The following KCNK5 variants were observed in gnomAD, a reference collection of about 807,000 sequenced individuals.
KCNK5 encodes the protein potassium two pore domain channel subfamily K member 5.
A neutral mutation model predicts 32.9 loss-of-function variants in KCNK5; 18 were observed. The ratio of observed to expected loss-of-function variants is 0.55; its 90% CI spans 0.38 to 0.81. The LOEUF (loss-of-function observed/expected upper bound fraction) is 0.81, where lower values mean the gene tolerates loss of function less well. KCNK5 is among the 30% of genes least tolerant of loss of function. The pLI is 0.00. For missense variants in KCNK5, 507 were observed against 651.0 expected, an observed-to-expected ratio of 0.78 and a Z score of 2.41; for synonymous variants, 276 against 275.3, an observed-to-expected ratio of 1.00 and a Z score of -0.03.
intron 1 of KCNK5, among the ~76,000 whole-genome samples, chr6:39,209,708 G>A (rs192481914): frequency 1.3e-5 from 2 of 152,332 alleles, no homozygotes; most frequent in East Asian, 3.9e-4. Context: ...CTCCACAAGG[G>A]CTGGGATTTT....
intron 1 of KCNK5, among the ~76,000 whole-genome samples, chr6:39,228,297 C>A (rs1771708503): frequency 6.6e-6 from 1 of 152,204 alleles, no homozygotes; most frequent in Admixed American, 6.5e-5. Context: ...GATGTCTCCG[C>A]GAGATAAGCC....
chr6:39,215,160 G>T (rs74458925), intron 1 of KCNK5, among the ~76,000 whole-genome samples: 7,657 of 152,236 alleles, frequency 0.05, 612 homozygotes, highest in African/African-American at 0.17. Context: ...TGAGGCTAGA[G>T]TCTGGAAGAT....
At chr6:39,214,972 C>T (rs1056960758) in intron 1 of KCNK5, among the ~76,000 whole-genome samples, 1 of 152,190 alleles carries the variant, frequency 6.6e-6, no homozygotes, top group Non-Finnish European at 1.5e-5. Flanking sequence ...GGGCATACAG[C>T]GGGCACTAAG....
At chr6:39,218,224 C>A (rs111707554) in intron 1 of KCNK5, among the ~76,000 whole-genome samples, 6,878 of 152,118 alleles carry the variant, frequency 0.045, 408 homozygotes, top group African/African-American at 0.14. Context: ...GTGCCCACCA[C>A]CACGTCCAGC....
rs185084494 is a variant in KCNK5 at position 39,192,386 on chromosome 6, A to T, written c.635-631T>A. ...ATGTAACCGACACACAGGTCAAGAA[A>T]CAGTTCATGAGTATTTGCCTTTCTG... On this transcript the variant is annotated intron_variant, in intron 4 of 4. Coordinates refer to ENST00000359534, the MANE Select transcript of KCNK5 (RefSeq NM_003740.4). Among the ~76,000 whole-genome samples, 148 of 152,056 alleles carry T rather than the reference A, an allele frequency of 9.7e-4. 1 individual carries two copies. Among genetic ancestry groups the T allele is most frequent in the Non-Finnish European group, 1.2e-3 (82 of 67,996 alleles).
At chr6:39,217,406 C>A (rs778474049) in intron 1 of KCNK5, among the ~76,000 whole-genome samples, 48 of 152,148 alleles carry the variant, frequency 3.2e-4, no homozygotes, top group Admixed American at 3.1e-3. Context: ...TGTCAGGATC[C>A]TTGACTGCTG....
At chr6:39,224,592 T>C (rs988003163) in intron 1 of KCNK5, among the ~76,000 whole-genome samples, 3 of 152,168 alleles carry the variant, frequency 2.0e-5, no homozygotes, top group African/African-American at 7.2e-5. Context: ...GAGGTACATA[T>C]GGAAAACCTT....
chr6:39,206,089 G>T (rs973415906), intron 1 of KCNK5, among the ~76,000 whole-genome samples: 12 of 152,194 alleles, frequency 7.9e-5, no homozygotes, highest in African/African-American at 2.9e-4. Context: ...AATCTATAGA[G>T]AGGCTAGAAA....
At position 39,194,090 on chromosome 6, in the gene KCNK5, A is replaced by G. The variant is rs1770986223; in HGVS notation, c.634+79T>C. 8 of 1,502,926 alleles carry G rather than the reference A, an allele frequency of 5.3e-6. No individual in the cohort carries two copies. The highest frequency in any genetic ancestry group is 7.4e-6 in the Non-Finnish European group (8 of 1,081,646). 93.1% of individuals were successfully genotyped at this position (1,502,926 alleles called of 1,614,324 possible). The stretch of plus-strand genomic sequence containing the variant: ...GTGCCCAGAACATGGAACCCTACCT[A>G]GGGCACCCCCAACATAGGTCTGTTG... On this transcript the variant is annotated intron_variant, in intron 4 of 4. Transcript: ENST00000359534. This position sits in a 1 kb window ranked among gnomAD's most constrained non-coding sequence, Gnocchi z 4.7.
intron 1 of KCNK5, among the ~76,000 whole-genome samples, chr6:39,209,805 C>T (rs750386490): frequency 6.6e-6 from 1 of 152,218 alleles, no homozygotes; most frequent in Non-Finnish European, 1.5e-5. Context: ...AGTGAAAGAA[C>T]ATTTGACAGA....
intron 1 of KCNK5, among the ~76,000 whole-genome samples, chr6:39,228,698 G>T (rs1049685848): frequency 4.3e-4 from 66 of 152,230 alleles, no homozygotes; most frequent in African/African-American, 1.5e-3. Context: ...ATTTGTCTCC[G>T]GCCAAACTAA....
chr6:39,208,302 A>G (rs1415678448), intron 1 of KCNK5, among the ~76,000 whole-genome samples: 2 of 152,134 alleles, frequency 1.3e-5, no homozygotes, highest in African/African-American at 2.4e-5. Context: ...CTCTACCCCT[A>G]TGAAGTAAGC....
In KCNK5 at chr6:39,212,547, TG is replaced by T. The variant is rs370372148; in HGVS notation, c.186+16378del. On this transcript the variant is annotated intron_variant, in intron 1 of 4. Coordinates refer to ENST00000359534, the MANE Select transcript of KCNK5 (RefSeq NM_003740.4). ...CTGTTTCAAGTCTTGCCTGTGCTTGTGTTTTTCGTTCATCTGAAGGACAGGG... is the reference window on the plus strand; with the variant it reads ...CTGTTTCAAGTCTTGCCTGTGCTTGTTTTTTCGTTCATCTGAAGGACAGGG... Among the ~76,000 whole-genome samples, 6 of 152,294 alleles carry T rather than the reference TG, an allele frequency of 3.9e-5. No homozygotes were observed. The East Asian group carries it at 1.2e-3, about 30-fold the overall frequency.
chr6:39,190,827 C>T lies in KCNK5; in HGVS notation c.*63G>A, dbSNP rs765987521. On this transcript the variant is annotated 3_prime_UTR_variant, in exon 5 of 5. Coordinates refer to ENST00000359534, the MANE Select transcript of KCNK5 (RefSeq NM_003740.4). ...CAGGGGCCAGGCGTCCCGGTCATCT[C>T]GGGACACCCTAGGGTGAGGGGGGAA... 2.5e-4 allele frequency: 353 copies of T among 1,402,888 alleles called. No individual in the cohort carries two copies. Among genetic ancestry groups the T allele is most frequent in the East Asian group, 1.0e-3 (40 of 38,458 alleles). 86.9% of individuals were successfully genotyped at this position (1,402,888 alleles called of 1,614,324 possible).
chr6:39,197,768 G>C (rs1274748759), intron 1 of KCNK5, among the ~76,000 whole-genome samples: 2 of 152,150 alleles, frequency 1.3e-5, no homozygotes, highest in Non-Finnish European at 2.9e-5. Flanking sequence ...CTCAGATATC[G>C]ATCTTGAATG....
intron 1 of KCNK5, among the ~76,000 whole-genome samples, chr6:39,218,498 T>TCCTCA (rs1327415812): frequency 6.6e-6 from 1 of 151,838 alleles, no homozygotes; most frequent in African/African-American, 2.4e-5. Context: ...CCCCAGCTAA[T>TCCTCA]CCTCACCAGG....
chr6:39,193,466 G>T (rs984077299), intron 4 of KCNK5, among the ~76,000 whole-genome samples: 10 of 152,236 alleles, frequency 6.6e-5, no homozygotes, highest in African/African-American at 2.2e-4. Flanking sequence ...AGGTCACTGG[G>T]GTGGTGGGTC....
intron 1 of KCNK5, among the ~76,000 whole-genome samples, chr6:39,214,400 T>G (rs572641652): frequency 3.2e-4 from 48 of 152,306 alleles, no homozygotes; most frequent in Non-Finnish European, 6.2e-4. Flanking sequence ...ATCTGCTGGC[T>G]TGGGGGAGAA....
chr6:39,228,798 T>C lies in KCNK5; in HGVS notation c.186+128A>G, dbSNP rs1771716489. 4 of 871,410 alleles carry C rather than the reference T, an allele frequency of 4.6e-6. No homozygotes were observed. In the African/African-American group the frequency reaches 5.0e-5, roughly 11 times the overall value. The allele number at this position is 871,410 out of a possible 1,614,324, so 54.0% of individuals were successfully genotyped here. Reference sequence around the variant, plus strand: ...GCCTGACCCATGATGAGACACGCTCTCTCATCACCCCCTGGACCTTCCACA... The same window carrying C: ...GCCTGACCCATGATGAGACACGCTCCCTCATCACCCCCTGGACCTTCCACA... On this transcript the variant is annotated intron_variant, in intron 1 of 4. Coordinates refer to ENST00000359534, the MANE Select transcript of KCNK5 (RefSeq NM_003740.4).
Sources: allele counts gnomAD v4.1 joint callset (sites outside exome capture counted in the v4.1 genomes callset), GRCh38; gene constraint gnomAD v4.1.1; non-coding constraint Gnocchi (gnomAD v3.1); transcripts MANE v1.5; gene names NCBI Gene and HGNC (gene_info 2026-07-23, HGNC 2026-07-21).